Variants in CABP1 observed in about 807,000 individuals in gnomAD.
The protein encoded by CABP1 is calcium-binding protein 1.
Under a neutral mutation model 34.3 loss-of-function variants are expected in CABP1, and 17 were observed. That is an observed-to-expected ratio of 0.50 (90% CI 0.34 to 0.74). CABP1 has a LOEUF of 0.74. Among genes scored for constraint, CABP1 ranks in the 30% least tolerant of loss-of-function variants. The pLI is 0.01. For missense variants in CABP1, 373 were observed against 511.1 expected (o/e 0.73, Z 2.61); for synonymous variants, 198 against 229.2 (o/e 0.86, Z 1.23).
the CABP1 span, among the ~76,000 whole-genome samples, chr12:120,674,934 A>G: frequency 6.6e-6 from 1 of 151,452 alleles, no homozygotes; most frequent in Non-Finnish European, 1.5e-5. Flanking sequence ...CAAAAATACC[A>G]AGCATCTGGT....
intron 1 of CABP1, among the ~76,000 whole-genome samples, chr12:120,645,695 G>A (rs1404990740): frequency 6.6e-6 from 1 of 152,132 alleles, no homozygotes; most frequent in Admixed American, 6.5e-5. Flanking sequence ...TGGGTGTGGT[G>A]GTGGGCGCCT....
chr12:120,656,714 G>GGTGA (rs1159405673), intron 1 of CABP1, among the ~76,000 whole-genome samples: 1 of 152,154 alleles, frequency 6.6e-6, no homozygotes, highest in African/African-American at 2.4e-5. Context: ...TGGCCAACAT[G>GGTGA]GTGAAACCCC....
At chr12:120,672,870 A>G in the CABP1 span, among the ~76,000 whole-genome samples, 1 of 152,074 alleles carries the variant, frequency 6.6e-6, no homozygotes, top group African/African-American at 2.4e-5. Flanking sequence ...TCTCTACTAA[A>G]AACACAAAAA....
chr12:120,667,198 G>T lies in CABP1; in HGVS notation c.*298G>T, dbSNP rs536621032. 91 of 539,946 alleles carry T rather than the reference G, an allele frequency of 1.7e-4. 2 individuals are homozygous for T. The South Asian group carries it at 2.0e-3, about 12-fold the overall frequency. The allele number at this position is 539,946 out of a possible 1,614,324, so 33.4% of individuals were successfully genotyped here. On this transcript the variant is annotated 3_prime_UTR_variant, in exon 6 of 6. Transcript: ENST00000316803. ...GCTGCTGCTGGCTGGGTGGGCCAGG[G>T]AGCCCGCCAGCAGACCCCACACAGC...
downstream of CABP1, among the ~76,000 whole-genome samples, chr12:120,669,325 G>GA (rs1881170014): frequency 6.6e-6 from 1 of 152,234 alleles, no homozygotes; most frequent in Admixed American, 6.5e-5. Flanking sequence ...TGCTAGGCAA[G>GA]CCTGCAGCCC....
chr12:120,673,679 G>A, the CABP1 span, among the ~76,000 whole-genome samples: 9 of 152,134 alleles, frequency 5.9e-5, no homozygotes, highest in Non-Finnish European at 4.4e-5. Context: ...CTTATCAGCC[G>A]CGTCATCTTG....
At chr12:120,650,638 A>G in intron 1 of CABP1, 1 of 1,613,948 alleles carries the variant, frequency 6.2e-7, no homozygotes, top group Non-Finnish European at 8.5e-7. Context: ...TCAACTTAGG[A>G]TGGGCAACTG....
intron 1 of CABP1, among the ~76,000 whole-genome samples, chr12:120,651,394 G>T (rs1879838884): frequency 1.3e-5 from 2 of 152,184 alleles, no homozygotes; most frequent in Non-Finnish European, 2.9e-5. Context: ...CTTTTAGAAA[G>T]AACATGATCA....
the CABP1 span, among the ~76,000 whole-genome samples, chr12:120,674,704 A>G: frequency 1.3e-5 from 2 of 152,174 alleles, no homozygotes; most frequent in Admixed American, 1.3e-4. Context: ...CCTGGCCAAC[A>G]TGGTGAAACC....
At chr12:120,647,345 C>T (rs756962821) in intron 1 of CABP1, among the ~76,000 whole-genome samples, 1 of 151,640 alleles carries the variant, frequency 6.6e-6, no homozygotes, top group Admixed American at 6.6e-5. Context: ...GAAAGATCAA[C>T]ATGTCCTCTA....
chr12:120,673,023 C>T, the CABP1 span, among the ~76,000 whole-genome samples: 1 of 151,628 alleles, frequency 6.6e-6, no homozygotes, highest in African/African-American at 2.4e-5. Context: ...CAGCAAGATT[C>T]CATTGCAAAA....
intron 1 of CABP1, 119 bp from the exon 2 acceptor site, chr12:120,659,759 G>A (rs1328061120): frequency 1.2e-6 from 1 of 838,160 alleles, no homozygotes; most frequent in Non-Finnish European, 2.0e-6. Flanking sequence ...GCACACCTGT[G>A]CTGCATCCTC....
Position 120,660,879 on chromosome 12 carries a change from G to A in CABP1, c.939+39G>A. ...GCAGGCAGGCATGGGGCGGCTATTG[G>A]AATCCTATCTGCAGTATAAATACTT... On this transcript the variant is annotated intron_variant, in intron 4 of 5. Coordinates refer to ENST00000316803, the MANE Select transcript of CABP1 (RefSeq NM_001033677.2). This position sits in a 1 kb window ranked among gnomAD's most constrained non-coding sequence, Gnocchi z 5.0. 6.7e-7 allele frequency: 1 copy of A among 1,485,582 alleles called. No homozygotes were observed. 92.0% of individuals were successfully genotyped at this position (1,485,582 alleles called of 1,614,324 possible). A position where few individuals can be genotyped will look rare whatever the true frequency, so the allele number is the denominator to read the frequency against.
chr12:120,643,918 G>A (rs1270860077), intron 1 of CABP1, among the ~76,000 whole-genome samples: 2 of 152,216 alleles, frequency 1.3e-5, no homozygotes, highest in Admixed American at 6.5e-5. Context: ...CTTTTCATTT[G>A]TAATAGTCTC....
chr12:120,677,451 C>G, the CABP1 span, among the ~76,000 whole-genome samples: 1 of 128,168 alleles, frequency 7.8e-6, no homozygotes, highest in South Asian at 2.6e-4. Context: ...GGCTGGAGTA[C>G]AGTGGTACGA....
At chr12:120,674,908 C>CA in the CABP1 span, among the ~76,000 whole-genome samples, 5,392 of 131,716 alleles carry the variant, frequency 0.041, 305 homozygotes, top group African/African-American at 0.13. Context: ...CCACCTCCGC[C>CA]AAAAAAAAAA....
At chr12:120,673,996 A>G in the CABP1 span, among the ~76,000 whole-genome samples, 1 of 152,202 alleles carries the variant, frequency 6.6e-6, no homozygotes, top group Admixed American at 6.5e-5. Context: ...AGCCTGGGCA[A>G]CACAGCAAGA....
At chr12:120,658,830 T>A (rs986669270) in intron 1 of CABP1, 2 of 152,346 alleles carry the variant, frequency 1.3e-5, no homozygotes, top group African/African-American at 2.4e-5. Context: ...CACACCTGCC[T>A]GGTGTCCTCC....
intron 1 of CABP1, among the ~76,000 whole-genome samples, chr12:120,648,534 A>G (rs1456491628): frequency 6.6e-6 from 1 of 152,178 alleles, no homozygotes; most frequent in East Asian, 1.9e-4. Context: ...GAAAAGCCCC[A>G]TTTTTCCAGT....
Sources: allele counts gnomAD v4.1 joint callset (sites outside exome capture counted in the v4.1 genomes callset), GRCh38; gene constraint gnomAD v4.1.1; non-coding constraint Gnocchi (gnomAD v3.1); transcripts MANE v1.5; gene names NCBI Gene and HGNC (gene_info 2026-07-23, HGNC 2026-07-21).